Variants in ST3GAL5 observed in about 807,000 individuals in gnomAD.
ST3GAL5 encodes the protein ST3 beta-galactoside alpha-2,3-sialyltransferase 5.
ST3GAL5 carries 25 observed loss-of-function variants against 46.1 expected under a neutral mutation model. That is an observed-to-expected ratio of 0.54 (90% CI 0.40 to 0.76). The LOEUF (loss-of-function observed/expected upper bound fraction) is 0.76, where lower values mean the gene tolerates loss of function less well. ST3GAL5 is among the 30% of genes least tolerant of loss of function. The probability of loss-of-function intolerance (pLI) is 0.00; values close to 1 mark genes in which losing one functional copy is unlikely to be tolerated. For synonymous variants in ST3GAL5, 182 were observed against 192.7 expected, an observed-to-expected ratio of 0.94 and a Z score of 0.46; for missense variants, 431 against 521.2, an observed-to-expected ratio of 0.83 and a Z score of 1.69.
chr2:85,842,404 C>T (rs949690802), intron 6 of ST3GAL5, among the ~76,000 whole-genome samples: 7 of 152,016 alleles, frequency 4.6e-5, no homozygotes, highest in Non-Finnish European at 1.0e-4. Flanking sequence ...ACTAAAAAAC[C>T]GATGAAAAAC....
upstream of ST3GAL5, chr2:85,889,008 C>G (rs947227790): frequency 3.5e-4 from 309 of 884,720 alleles, no homozygotes; most frequent in African/African-American, 1.9e-3. Flanking sequence ...GCCGCTCCCC[C>G]GCTCAGATGC....
chr2:85,839,611 G>A lies in ST3GAL5; in HGVS notation c.*533C>T. 5.5e-6 allele frequency: 1 copy of A among 182,372 alleles called. No homozygotes were observed. Among genetic ancestry groups the A allele is most frequent in the Non-Finnish European group, 1.2e-5 (1 of 85,550 alleles). The allele number at this position is 182,372 out of a possible 1,614,324, so 11.3% of individuals were successfully genotyped here. ...GCAGAAGGCAGACCAACAGAGAAGG[G>A]TTGTGACCTTCTCCAACCAGCCCAG... On this transcript the variant is annotated 3_prime_UTR_variant, in exon 7 of 7. Transcript: ENST00000638572.
Position 85,839,945 on chromosome 2 carries a change from G to T in ST3GAL5, c.*199C>A, listed in dbSNP as rs1443001559. ...TCTTAAGTTTCATTTACAAAATGGT[G>T]TGCAAAAACAAACACTGACCTCAAA... On this transcript the variant is annotated 3_prime_UTR_variant, in exon 7 of 7. Coordinates refer to ENST00000638572, the MANE Select transcript of ST3GAL5 (RefSeq NM_003896.4). 4.7e-6 allele frequency: 3 copies of T among 644,228 alleles called. No individual in the cohort carries two copies. The highest frequency in any genetic ancestry group is 3.7e-5 in the African/African-American group (2 of 54,522). The allele number at this position is 644,228 out of a possible 1,614,324, so 39.9% of individuals were successfully genotyped here.
At chr2:85,864,019 C>G (rs1685012388) in intron 1 of ST3GAL5, among the ~76,000 whole-genome samples, 1 of 152,064 alleles carries the variant, frequency 6.6e-6, no homozygotes, top group Non-Finnish European at 1.5e-5. Context: ...TTTTAACATT[C>G]TTAAAATGAC....
Position 85,888,935 on chromosome 2 carries a change from G to A in ST3GAL5, c.-30C>T. ...ATGAGGGGGCGCCGGCCGGCCGCCA[G>A]CCCGGTACCCCGCGCCCCCACCCGC... On this transcript the variant is annotated 5_prime_UTR_variant, in exon 1 of 7. Transcript: ENST00000638572. 2.3e-6 allele frequency: 3 copies of A among 1,314,470 alleles called. No homozygotes were observed. Among genetic ancestry groups the A allele is most frequent in the Admixed American group, 3.5e-5 (1 of 28,940 alleles). The allele number at this position is 1,314,470 out of a possible 1,614,324, so 81.4% of individuals were successfully genotyped here. A position where few individuals can be genotyped will look rare whatever the true frequency, so the allele number is the denominator to read the frequency against.
intron 1 of ST3GAL5, among the ~76,000 whole-genome samples, chr2:85,886,004 T>G (rs1301852242): frequency 6.6e-6 from 1 of 152,142 alleles, no homozygotes; most frequent in East Asian, 1.9e-4. Flanking sequence ...ACTGCCCAAA[T>G]GTCCACTAAC....
intron 1 of ST3GAL5, among the ~76,000 whole-genome samples, chr2:85,886,087 G>A (rs1687724265): frequency 6.6e-6 from 1 of 152,184 alleles, no homozygotes; most frequent in Non-Finnish European, 1.5e-5. Flanking sequence ...TCAACCATGG[G>A]CAGCATCATG....
Position 85,846,532 on chromosome 2 carries a change from C to T in ST3GAL5, c.694G>A (p.Glu232Lys). ...ATAGTAGTTTTATTTCCAACATGTT[C>T]TGAATATCCCTCAACTGGTGCACTG... ...LNSAPVEGYS[E>K]HVGNKTTIRM... The change falls in exon 5 of 7, where the codon GAA becomes AAA. Residue 232 changes from glutamate to lysine, a missense_variant. Physicochemically the swap from Glu to Lys is moderately conservative, Grantham distance 56 (BLOSUM62 1). Transcript: ENST00000638572. 1 of 1,614,180 alleles carries T rather than the reference C, an allele frequency of 6.2e-7. No individual in the cohort carries two copies. Among genetic ancestry groups the T allele is most frequent in the Non-Finnish European group, 8.5e-7 (1 of 1,180,036 alleles).
chr2:85,842,304 C>G (rs1682216454), intron 6 of ST3GAL5, among the ~76,000 whole-genome samples: 1 of 152,204 alleles, frequency 6.6e-6, no homozygotes, highest in Non-Finnish European at 1.5e-5. Flanking sequence ...CCATGTACCC[C>G]CAGTGACCAT....
intron 1 of ST3GAL5, 110 bp downstream of exon 1, chr2:85,888,714 G>T: frequency 1.2e-6 from 1 of 845,320 alleles, no homozygotes; most frequent in Non-Finnish European, 1.5e-6. Context: ...CTGCCCGCGG[G>T]GTTCGAGGCG....
intron 2 of ST3GAL5, 69 bp from the exon 3 acceptor site, chr2:85,861,361 A>G: frequency 9.7e-7 from 1 of 1,027,984 alleles, no homozygotes; most frequent in Non-Finnish European, 1.5e-6. Context: ...GTGAAACTGA[A>G]AACGGAATCC....
Position 85,863,290 on chromosome 2 carries a change from C to T in ST3GAL5, c.206+72G>A, listed in dbSNP as rs76262300. ...ACATTAGCCATCTTGAGGGCTCTCA[C>T]TGAATTTTTCTCCTAGTTCTACACA... is the stretch of plus-strand genomic sequence containing the variant. On this transcript the variant is annotated intron_variant, in intron 2 of 6. Coordinates refer to ENST00000638572, the MANE Select transcript of ST3GAL5 (RefSeq NM_003896.4). The T allele has an allele frequency of 7.1e-3, 11,503 of 1,610,468 alleles. 712 individuals carry two copies. The African/African-American group carries it at 0.13, about 19-fold the overall frequency.
At chr2:85,843,110 T>C (rs1682351691) in intron 6 of ST3GAL5, among the ~76,000 whole-genome samples, 1 of 152,218 alleles carries the variant, frequency 6.6e-6, no homozygotes, top group African/African-American at 2.4e-5. Context: ...GGTGTTTTCC[T>C]ATATTCTTCA....
chr2:85,842,885 C>T (rs1437535843), intron 6 of ST3GAL5, among the ~76,000 whole-genome samples: 1 of 151,884 alleles, frequency 6.6e-6, no homozygotes, highest in Admixed American at 6.6e-5. Flanking sequence ...CTCAGCCTCC[C>T]AAGTAGCTGA....
chr2:85,881,473 T>C (rs1291665962), intron 1 of ST3GAL5, among the ~76,000 whole-genome samples: 1 of 152,238 alleles, frequency 6.6e-6, no homozygotes, highest in Non-Finnish European at 1.5e-5. Context: ...TGAATGACTT[T>C]GCCCAAAATG....
At chr2:85,864,070 G>A (rs1445190657) in intron 1 of ST3GAL5, among the ~76,000 whole-genome samples, 2 of 152,176 alleles carry the variant, frequency 1.3e-5, no homozygotes, top group Non-Finnish European at 2.9e-5. Flanking sequence ...AGTGTCAGGG[G>A]TTGTGGAAGG....
intron 3 of ST3GAL5, chr2:85,852,941 T>G: frequency 7.7e-7 from 1 of 1,301,994 alleles, no homozygotes; most frequent in Non-Finnish European, 1.0e-6. Context: ...TGCTGGTGCC[T>G]GGGCTCACTG....
chr2:85,847,301 G>A (rs1682913151), intron 4 of ST3GAL5: 2 of 904,818 alleles, frequency 2.2e-6, no homozygotes, highest in Admixed American at 5.6e-5. Context: ...CCCCTGTCTG[G>A]GAGTTGTGGT....
Position 85,863,201 on chromosome 2 carries a change from TCA to T in ST3GAL5, c.206+159_206+160del, listed in dbSNP as rs1335403382. 6.6e-5 allele frequency among the ~76,000 whole-genome samples: 10 copies of T among 152,292 alleles called. 1 individual carries two copies. The highest frequency in any genetic ancestry group is 3.4e-3 in the Middle Eastern group (1 of 294). On this transcript the variant is annotated intron_variant, in intron 2 of 6. Transcript: ENST00000638572. ...GTACAGGCTCACTCCGGCTGTGCAC[TCA>T]GTCTTTACTCAGACGTGCCTTTGAA...
Sources: gnomAD v4.1 joint callset for allele counts (sites outside exome capture counted in the v4.1 genomes callset) on GRCh38, gnomAD v4.1.1 for gene constraint, MANE v1.5 for transcripts, NCBI Gene and HGNC (gene_info 2026-07-23, HGNC 2026-07-21) for gene names.